Variants in TMCO5A observed in about 807,000 individuals in gnomAD.
The protein encoded by TMCO5A is transmembrane and coiled-coil domains 5A.
Under a neutral mutation model 42.3 loss-of-function variants are expected in TMCO5A, and 34 were observed. The ratio of observed to expected loss-of-function variants is 0.80; its 90% CI spans 0.61 to 1.07. The LOEUF (loss-of-function observed/expected upper bound fraction) is 1.07. TMCO5A is among the 50% of genes least tolerant of loss of function. TMCO5A has a pLI of 0.00. For synonymous variants in TMCO5A, 131 were observed against 115.6 expected, an observed-to-expected ratio of 1.13 and a Z score of -0.86; for missense variants, 357 against 327.9, an observed-to-expected ratio of 1.09 and a Z score of -0.69.
chr15:37,955,150 T>A (rs1261200756), downstream of TMCO5A, among the ~76,000 whole-genome samples: 1 of 151,330 alleles, frequency 6.6e-6, no homozygotes, highest in African/African-American at 2.4e-5. Context: ...GGACATAGAC[T>A]GGCTGAATGA....
the TMCO5A span, among the ~76,000 whole-genome samples, chr15:38,028,811 C>T: frequency 6.6e-6 from 1 of 152,114 alleles, no homozygotes; most frequent in South Asian, 2.1e-4. Flanking sequence ...ACCTTGTGCG[C>T]CTGCAAAGGA....
At chr15:37,978,641 G>C in the TMCO5A span, among the ~76,000 whole-genome samples, 2,413 of 152,258 alleles carry the variant, frequency 0.016, 79 homozygotes, top group African/African-American at 0.056. Context: ...TTGTCTCTGG[G>C]ATTTCCTTTC....
At chr15:37,951,012 A>G (rs754267921) in intron 11 of TMCO5A, 24 bp from the exon 12 acceptor site, 3 of 1,602,626 alleles carry the variant, frequency 1.9e-6, no homozygotes, top group Non-Finnish European at 2.6e-6. Context: ...TCTGGTTAAC[A>G]GTTTCATGGC....
the TMCO5A span, among the ~76,000 whole-genome samples, chr15:38,021,959 G>A: frequency 1.3e-5 from 2 of 151,730 alleles, no homozygotes; most frequent in African/African-American, 2.4e-5. Context: ...ACAGGCAAGC[G>A]CCACCAAGTC....
the TMCO5A span, among the ~76,000 whole-genome samples, chr15:38,010,104 T>C: frequency 4.2e-3 from 633 of 151,604 alleles, 4 homozygotes; most frequent in African/African-American, 0.014. Context: ...CCGGGCGCGG[T>C]GGCTCCCGCC....
Position 37,948,562 on chromosome 15 carries a change from T to C in TMCO5A, c.668+866T>C, listed in dbSNP as rs570561035. On this transcript the variant is annotated intron_variant, in intron 11 of 11. Coordinates refer to ENST00000319669, the MANE Select transcript of TMCO5A (RefSeq NM_152453.4). ...AATTTTCTCTAGAACTCCTAGTTTG[T>C]TCTCTTATACTCCAACACAAGGGCC... Among the ~76,000 whole-genome samples, 303 of 152,192 alleles carry C rather than the reference T, an allele frequency of 2.0e-3. 2 individuals are homozygous for C. Among genetic ancestry groups the C allele is most frequent in the African/African-American group, 6.7e-3 (279 of 41,544 alleles).
chr15:37,994,132 C>A, the TMCO5A span, among the ~76,000 whole-genome samples: 1 of 152,132 alleles, frequency 6.6e-6, no homozygotes, highest in Non-Finnish European at 1.5e-5. Flanking sequence ...GCAGAGGATC[C>A]ACTGTTGGTG....
the TMCO5A span, among the ~76,000 whole-genome samples, chr15:38,025,661 A>T: frequency 6.6e-6 from 1 of 152,086 alleles, no homozygotes; most frequent in Non-Finnish European, 1.5e-5. Flanking sequence ...CTAATCTCTC[A>T]GTCTTAGGTT....
intron 9 of TMCO5A, chr15:37,942,606 G>T (rs1889786934): frequency 1.0e-5 from 2 of 200,592 alleles, no homozygotes; most frequent in East Asian, 1.2e-4. Context: ...TCACAGAAAG[G>T]CCTTTTCATT....
At chr15:38,032,981 G>A in the TMCO5A span, among the ~76,000 whole-genome samples, 2 of 146,498 alleles carry the variant, frequency 1.4e-5, no homozygotes, top group African/African-American at 5.1e-5. Context: ...AGGCTGGAGT[G>A]CAGTGGCGCC....
chr15:37,968,951 G>A (rs1430718421), downstream of TMCO5A, among the ~76,000 whole-genome samples: 1 of 152,106 alleles, frequency 6.6e-6, no homozygotes, highest in Non-Finnish European at 1.5e-5. Flanking sequence ...GAGGAAAAAA[G>A]GGAAAGGAAG....
the TMCO5A span, among the ~76,000 whole-genome samples, chr15:37,989,143 T>C: frequency 6.6e-6 from 1 of 151,928 alleles, no homozygotes; most frequent in Non-Finnish European, 1.5e-5. Flanking sequence ...TACTCTCTTA[T>C]AATCCTTTTA....
At chr15:37,981,200 CAAAA>C in the TMCO5A span, among the ~76,000 whole-genome samples, 5 of 65,322 alleles carry the variant, frequency 7.7e-5, no homozygotes, top group African/African-American at 2.8e-4. Flanking sequence ...AGAAAGCCAG[CAAAA>C]AAAAAAAAAA....
the TMCO5A span, among the ~76,000 whole-genome samples, chr15:37,980,605 G>A: frequency 7.8e-6 from 1 of 128,406 alleles, no homozygotes; most frequent in South Asian, 2.5e-4. Context: ...TGAGAGCGGC[G>A]CACACCAGCC....
the TMCO5A span, among the ~76,000 whole-genome samples, chr15:38,013,743 C>A: frequency 6.6e-6 from 1 of 152,094 alleles, no homozygotes; most frequent in Middle Eastern, 3.2e-3. Flanking sequence ...TTTCCTGATA[C>A]CAATCACTAA....
rs753698372 is a variant in TMCO5A at position 37,936,443 on chromosome 15, G to A, written c.120G>A (p.Glu40=). 2.1e-5 allele frequency: 34 copies of A among 1,612,748 alleles called. No individual in the cohort carries two copies. Among genetic ancestry groups the A allele is most frequent in the Non-Finnish European group, 2.8e-5 (33 of 1,179,384 alleles). The part of the protein sequence containing the change: ...ANQKLLLKIQ[E]REDKIQRLES... ...AGAAACTTCTTCTCAAAATCCAAGA[G>A]AGGGAAGATAAGATTCAGAGGTGAG... Residue 40 remains glutamate, a synonymous_variant, in exon 3 of 12, where the codon GAG becomes GAA. Coordinates refer to ENST00000319669, the MANE Select transcript of TMCO5A (RefSeq NM_152453.4).
chr15:37,948,566 C>G (rs764111436), intron 11 of TMCO5A, among the ~76,000 whole-genome samples: 2 of 152,016 alleles, frequency 1.3e-5, no homozygotes, highest in Non-Finnish European at 2.9e-5. Context: ...AGTTTGTTCT[C>G]TTATACTCCA....
At chr15:37,997,222 C>T in the TMCO5A span, among the ~76,000 whole-genome samples, 3 of 152,154 alleles carry the variant, frequency 2.0e-5, no homozygotes, top group African/African-American at 7.2e-5. Flanking sequence ...AATGATGATT[C>T]ACAAGTTCAA....
At chr15:37,976,155 T>A in the TMCO5A span, among the ~76,000 whole-genome samples, 1 of 151,444 alleles carries the variant, frequency 6.6e-6, no homozygotes, top group Non-Finnish European at 1.5e-5. Context: ...TGAGGCAGGA[T>A]AATCGCTTGA....
Sources: allele counts gnomAD v4.1 joint callset (sites outside exome capture counted in the v4.1 genomes callset), GRCh38; gene constraint gnomAD v4.1.1; transcripts MANE v1.5; gene names NCBI Gene and HGNC (gene_info 2026-07-23, HGNC 2026-07-21).